PFKFB1: variants seen among roughly 807,000 people sequenced by gnomAD.
PFKFB1 encodes 6-phosphofructo-2-kinase/fructose-2,6-biphosphatase 1, also known as 6-phosphofructo-2-kinase/fructose-2,6-bisphosphatase 1.
In PFKFB1, 34 loss-of-function variants were observed where a neutral mutation model predicts 46.4. That is an observed-to-expected ratio of 0.73 (90% CI 0.56 to 0.98). The LOEUF (loss-of-function observed/expected upper bound fraction) is 0.98, where lower values mean the gene tolerates loss of function less well. PFKFB1 is among the 50% of genes least tolerant of loss of function. PFKFB1 has a pLI of 0.00. For missense variants in PFKFB1, 393 were observed against 376.3 expected (o/e 1.04, Z -0.37); for synonymous variants, 119 against 133.8 (o/e 0.89, Z 0.76).
intron 1 of PFKFB1, among the ~76,000 whole-genome samples, chrX:54,976,074 G>GA (rs1275751097): frequency 1.8e-5 from 2 of 109,664 alleles, no homozygotes; most frequent in Non-Finnish European, 1.9e-5. Context: ...ATCCACACAA[G>GA]AAAAAAATAG....
chrX:54,988,827 C>T (rs780134537), intron 1 of PFKFB1, among the ~76,000 whole-genome samples: 8 of 111,933 alleles, frequency 7.1e-5, no homozygotes, highest in Non-Finnish European at 1.3e-4. Context: ...ACACCACATG[C>T]AAATATTAAC....
At chrX:54,987,008 G>A (rs1935129684) in intron 1 of PFKFB1, among the ~76,000 whole-genome samples, 1 of 110,336 alleles carries the variant, frequency 9.1e-6, no homozygotes, top group African/African-American at 3.3e-5. Flanking sequence ...TCAAAAGTTG[G>A]TTATTTGAAA....
At chrX:54,958,687 T>G (rs1031597641) in intron 5 of PFKFB1, among the ~76,000 whole-genome samples, 164 bp downstream of exon 5, 2 of 111,838 alleles carry the variant, frequency 1.8e-5, no homozygotes, top group Non-Finnish European at 3.8e-5. Context: ...TCCTTTCTTG[T>G]TCTGCTTTGC....
At chrX:54,946,368 A>G (rs1029739736) in intron 9 of PFKFB1, among the ~76,000 whole-genome samples, 10 of 111,875 alleles carry the variant, frequency 8.9e-5, no homozygotes, top group Non-Finnish European at 1.9e-4. Flanking sequence ...AAGTCTACTG[A>G]GAAACTCCCA....
chrX:54,980,959 G>T (rs1934970059), intron 1 of PFKFB1, among the ~76,000 whole-genome samples: 1 of 111,207 alleles, frequency 9.0e-6, no homozygotes, highest in Non-Finnish European at 1.9e-5. Context: ...ATCAAATACA[G>T]CTTCTAGAAA....
chrX:54,935,660 G>A (rs1933365252), intron 11 of PFKFB1, among the ~76,000 whole-genome samples: 1 of 112,168 alleles, frequency 8.9e-6, no homozygotes, highest in Admixed American at 9.4e-5. Context: ...GGCCTTGAGA[G>A]GGAAAATGCT....
chrX:54,986,733 T>G (rs1446424800), intron 1 of PFKFB1, among the ~76,000 whole-genome samples: 2 of 111,904 alleles, frequency 1.8e-5, no homozygotes, highest in Non-Finnish European at 3.8e-5. Context: ...GACTATACAT[T>G]TTTCCAAAGT....
At chrX:54,959,918 G>C in intron 3 of PFKFB1, 25 bp from the exon 4 acceptor site, 1 of 1,087,559 alleles carries the variant, frequency 9.2e-7, no homozygotes, top group Non-Finnish European at 1.3e-6. Context: ...GAAAGAAAAA[G>C]AGGCAACCCT....
At chrX:54,942,319 C>G (rs908434673) in intron 10 of PFKFB1, among the ~76,000 whole-genome samples, 1 of 111,090 alleles carries the variant, frequency 9.0e-6, no homozygotes, top group African/African-American at 3.3e-5. Context: ...GTGCAGCACA[C>G]CAGCATGGCA....
chrX:54,943,030 T>C (rs1933694229), intron 10 of PFKFB1, among the ~76,000 whole-genome samples: 1 of 111,452 alleles, frequency 9.0e-6, no homozygotes, highest in South Asian at 3.7e-4. Flanking sequence ...ATACATCCAA[T>C]TGTATTTCCA....
chrX:54,937,273 T>C (rs1933435884), intron 11 of PFKFB1, among the ~76,000 whole-genome samples: 1 of 111,900 alleles, frequency 8.9e-6, no homozygotes, highest in Non-Finnish European at 1.9e-5. Context: ...TTGAAAATGT[T>C]AGCTAAGAAT....
At chrX:54,950,342 T>A (rs886100228) in intron 8 of PFKFB1, among the ~76,000 whole-genome samples, 2 of 111,505 alleles carry the variant, frequency 1.8e-5, no homozygotes, top group African/African-American at 6.5e-5. Flanking sequence ...TCCCTGCCCC[T>A]CTCTGGCCTC....
intron 1 of PFKFB1, among the ~76,000 whole-genome samples, chrX:54,973,153 G>A (rs947763579): frequency 5.4e-5 from 6 of 111,339 alleles, no homozygotes; most frequent in Admixed American, 9.5e-5. Context: ...ATTCTCTGAC[G>A]GTAGTTTGTA....
intron 1 of PFKFB1, among the ~76,000 whole-genome samples, chrX:54,971,491 A>G (rs1386508226): frequency 2.7e-5 from 3 of 111,507 alleles, no homozygotes; most frequent in Non-Finnish European, 5.7e-5. Flanking sequence ...TAAGTCTTTC[A>G]TCCATCTTGA....
rs1933276130 is a variant in PFKFB1, at chrX:54,933,215, C to A, written c.*188G>T. ...GAATAGGAATTAAGAAAGAAAGTTT[C>A]CTCCAGAGCTAGATAGCTCCTTGGT... On this transcript the variant is annotated 3_prime_UTR_variant, in exon 14 of 14. Coordinates refer to ENST00000375006, the MANE Select transcript of PFKFB1 (RefSeq NM_002625.4). The A allele has an allele frequency of 2.3e-6, 1 of 437,727 alleles. No homozygotes were observed. Among genetic ancestry groups the A allele is most frequent in the African/African-American group, 2.5e-5 (1 of 40,528 alleles). The allele number at this position is 437,727 out of a possible 1,213,427, so 36.1% of individuals were successfully genotyped here.
intron 1 of PFKFB1, among the ~76,000 whole-genome samples, chrX:54,989,400 A>G (rs147824033): frequency 0.04 from 4,484 of 111,627 alleles, 240 homozygotes; most frequent in African/African-American, 0.14. Context: ...ATTTCCTTAC[A>G]TGGTGATAAA....
intron 1 of PFKFB1, among the ~76,000 whole-genome samples, chrX:54,971,643 G>C (rs1195264632): frequency 8.9e-6 from 1 of 111,954 alleles, no homozygotes; most frequent in Non-Finnish European, 1.9e-5. Flanking sequence ...AGATCAGATA[G>C]TTGTAGATAT....
chrX:54,987,064 A>G lies in PFKFB1; in HGVS notation c.97+6847T>C, dbSNP rs893150198. Reference sequence around the variant, plus strand: ...CCTTTAGTGAGACTGACCAAGAAAAAAAAGAGAAAACTCAAATTAATAAAT... The same window carrying G: ...CCTTTAGTGAGACTGACCAAGAAAAGAAAGAGAAAACTCAAATTAATAAAT... On this transcript the variant is annotated intron_variant, in intron 1 of 13. Coordinates refer to ENST00000375006, the MANE Select transcript of PFKFB1 (RefSeq NM_002625.4). 2.7e-5 allele frequency among the ~76,000 whole-genome samples: 3 copies of G among 111,443 alleles called. No homozygotes were observed. In the Admixed American group the frequency reaches 2.9e-4, roughly 11 times the overall value.
chrX:54,953,654 G>T (rs759096301), intron 7 of PFKFB1, among the ~76,000 whole-genome samples: 2 of 111,258 alleles, frequency 1.8e-5, no homozygotes, highest in African/African-American at 6.5e-5. Context: ...TAAACTTGTT[G>T]CCTGGCTACT....
Sources: allele counts gnomAD v4.1 joint callset (sites outside exome capture counted in the v4.1 genomes callset), GRCh38; gene constraint gnomAD v4.1.1; transcripts MANE v1.5; gene names NCBI Gene and HGNC (gene_info 2026-07-23, HGNC 2026-07-21).